The following GABBR2 variants were observed in gnomAD, a reference collection of about 807,000 sequenced individuals.
GABBR2 encodes G-protein coupled receptor 51.
GABBR2 carries 23 observed loss-of-function variants against 105.6 expected under a neutral mutation model. That is an observed-to-expected ratio of 0.22 (90% CI 0.16 to 0.31). GABBR2 has a LOEUF of 0.31. Among genes scored for constraint, GABBR2 ranks in the 10% least tolerant of loss-of-function variants. The probability of loss-of-function intolerance (pLI) is 1.00; values close to 1 mark genes in which losing one functional copy is unlikely to be tolerated. For missense variants in GABBR2, 734 were observed against 1,245.5 expected (o/e 0.59, Z 6.18); for synonymous variants, 478 against 499.7 (o/e 0.96, Z 0.58).
intron 13 of GABBR2, among the ~76,000 whole-genome samples, chr9:98,332,166 T>C (rs1261015811): frequency 6.6e-6 from 1 of 152,122 alleles, no homozygotes; most frequent in African/African-American, 2.4e-5. Context: ...GGTGCTCCCC[T>C]GCAAAATGGA....
rs375137010 is a variant in GABBR2 at position 98,631,427 on chromosome 9, G to T, written c.322-53355C>A. 3.3e-5 allele frequency among the ~76,000 whole-genome samples: 5 copies of T among 152,168 alleles called. No homozygotes were observed. In the East Asian group the frequency reaches 7.7e-4, roughly 23 times the overall value. ...TGCATTCAACTAACATTTATTGAGGGTCTGCTATGTGCCAGCAACTATTTA... is the reference window on the plus strand; with the variant it reads ...TGCATTCAACTAACATTTATTGAGGTTCTGCTATGTGCCAGCAACTATTTA... On this transcript the variant is annotated intron_variant, in intron 1 of 18. Coordinates refer to ENST00000259455, the MANE Select transcript of GABBR2 (RefSeq NM_005458.8).
intron 1 of GABBR2, among the ~76,000 whole-genome samples, chr9:98,639,102 G>T (rs1412168789): frequency 6.6e-6 from 1 of 152,200 alleles, no homozygotes; most frequent in African/African-American, 2.4e-5. Flanking sequence ...CACCTCCAGT[G>T]CTGGTTTCTC....
At chr9:98,323,630 C>T (rs1122156) in intron 13 of GABBR2, among the ~76,000 whole-genome samples, 5,339 of 152,314 alleles carry the variant, frequency 0.035, 145 homozygotes, top group Non-Finnish European at 0.057. Context: ...CAGCTCCAGT[C>T]CTCGTCCAGG....
intron 1 of GABBR2, among the ~76,000 whole-genome samples, chr9:98,593,863 T>C (rs1829185798): frequency 1.3e-5 from 2 of 152,202 alleles, no homozygotes; most frequent in South Asian, 4.1e-4. Context: ...GAGTTAATTA[T>C]GTGCCTCGCT....
intron 6 of GABBR2, among the ~76,000 whole-genome samples, chr9:98,468,717 C>T (rs1222348626): frequency 6.6e-6 from 1 of 152,144 alleles, no homozygotes; most frequent in African/African-American, 2.4e-5. Context: ...TAGAAGTTAC[C>T]TAGCCCAGGG....
chr9:98,439,331 G>T (rs951432292), intron 7 of GABBR2, among the ~76,000 whole-genome samples: 1 of 152,142 alleles, frequency 6.6e-6, no homozygotes, highest in African/African-American at 2.4e-5. Flanking sequence ...TCAGACCCAG[G>T]TTCCCCATGA....
At chr9:98,457,769 C>T (rs1294491532) in intron 6 of GABBR2, among the ~76,000 whole-genome samples, 2 of 152,154 alleles carry the variant, frequency 1.3e-5, no homozygotes, top group East Asian at 1.9e-4. Flanking sequence ...TGTTCCCAGG[C>T]GATGCCAGCA....
At chr9:98,657,561 A>C (rs1188714048) in intron 1 of GABBR2, among the ~76,000 whole-genome samples, 1 of 152,192 alleles carries the variant, frequency 6.6e-6, no homozygotes. Flanking sequence ...TGGCCACAAA[A>C]AAGATCAACA....
intron 13 of GABBR2, among the ~76,000 whole-genome samples, chr9:98,360,088 C>T (rs1831556369): frequency 6.6e-6 from 1 of 152,126 alleles, no homozygotes. Context: ...GTCCGGAGCA[C>T]ACAGGGTGTC....
intron 15 of GABBR2, chr9:98,304,335 T>A (rs1588090100): frequency 6.6e-6 from 1 of 152,344 alleles, no homozygotes; most frequent in Non-Finnish European, 1.5e-5. Flanking sequence ...GTGGACAGGG[T>A]TCTCTGGGGA....
At chr9:98,334,480 T>C (rs917880516) in intron 13 of GABBR2, among the ~76,000 whole-genome samples, 2 of 152,238 alleles carry the variant, frequency 1.3e-5, no homozygotes, top group African/African-American at 2.4e-5. Context: ...TTTCCTCTGA[T>C]GAATCTCTAA....
rs558902325 is a variant in GABBR2 at position 98,306,878 on chromosome 9, C to A, written c.2005-533G>T. 8.5e-5 allele frequency among the ~76,000 whole-genome samples: 13 copies of A among 152,306 alleles called. No homozygotes were observed. In the East Asian group the frequency reaches 2.3e-3, roughly 27 times the overall value. The stretch of plus-strand genomic sequence containing the variant: ...CTACATTTTTCAGCTGCCCTAGAGG[C>A]TAGGCGTGGCATATTGCTAGCTTCT... On this transcript the variant is annotated intron_variant, in intron 14 of 18. Transcript: ENST00000259455. This position sits in a 1 kb window ranked among gnomAD's most constrained non-coding sequence, Gnocchi z 5.4.
intron 1 of GABBR2, among the ~76,000 whole-genome samples, chr9:98,644,965 G>C (rs1830012181): frequency 6.6e-6 from 1 of 152,200 alleles, no homozygotes; most frequent in Admixed American, 6.5e-5. Context: ...CTTTAGCCCA[G>C]CAATATATGT....
chr9:98,563,298 T>A, intron 2 of GABBR2, among the ~76,000 whole-genome samples: 1 of 152,024 alleles, frequency 6.6e-6, no homozygotes, highest in East Asian at 1.9e-4. Flanking sequence ...GCTCTAAGGT[T>A]CCCCCGGCAA....
intron 13 of GABBR2, among the ~76,000 whole-genome samples, chr9:98,333,458 C>A (rs980616963): frequency 6.6e-6 from 1 of 152,126 alleles, no homozygotes; most frequent in Non-Finnish European, 1.5e-5. Context: ...AGAGAAGAAT[C>A]CTGCCATGTC....
At chr9:98,380,519 C>T (rs1831953995) in intron 11 of GABBR2, among the ~76,000 whole-genome samples, 1 of 152,232 alleles carries the variant, frequency 6.6e-6, no homozygotes, top group African/African-American at 2.4e-5. Flanking sequence ...CCATCCCTTC[C>T]CCCTGGCACT....
At chr9:98,559,540 T>A (rs1051196011) in intron 2 of GABBR2, among the ~76,000 whole-genome samples, 1 of 152,256 alleles carries the variant, frequency 6.6e-6, no homozygotes, top group African/African-American at 2.4e-5. Context: ...AAGAGATTTA[T>A]TTATTCTAAT....
At chr9:98,674,911 C>T (rs1000613268) in intron 1 of GABBR2, among the ~76,000 whole-genome samples, 1 of 152,212 alleles carries the variant, frequency 6.6e-6, no homozygotes, top group African/African-American at 2.4e-5. Flanking sequence ...ACCCTCTTCT[C>T]TTTCTGCCTC....
intron 1 of GABBR2, chr9:98,607,979 GA>G: frequency 2.3e-6 from 3 of 1,306,092 alleles, no homozygotes; most frequent in Non-Finnish European, 2.2e-6. Flanking sequence ...ATGAGCAAAT[GA>G]AAAGGAATTT....
Sources: allele counts gnomAD v4.1 joint callset (sites outside exome capture counted in the v4.1 genomes callset), GRCh38; gene constraint gnomAD v4.1.1; non-coding constraint Gnocchi (gnomAD v3.1); transcripts MANE v1.5; gene names NCBI Gene and HGNC (gene_info 2026-07-23, HGNC 2026-07-21).